ATG13: variants seen among roughly 807,000 people sequenced by gnomAD.
ATG13 encodes autophagy-related protein 13.
ATG13 carries 23 observed loss-of-function variants against 65.5 expected under a neutral mutation model. The observed-to-expected ratio is 0.35, with a 90% CI of 0.25 to 0.50. The LOEUF is 0.50. Ranked by LOEUF, ATG13 falls within the 20% of genes least tolerant of loss-of-function variation. The pLI is 0.98. For missense variants in ATG13, 566 were observed against 677.0 expected (o/e 0.84, Z 1.82); for synonymous variants, 252 against 245.2 (o/e 1.03, Z -0.26).
chr11:46,656,923 G>GCACATA, intron 8 of ATG13, 172 bp from the exon 9 acceptor site: 2 of 593,694 alleles, frequency 3.4e-6, no homozygotes, highest in South Asian at 4.0e-5. Flanking sequence ...ACACATACAC[G>GCACATA]CACATACACA....
intron 1 of ATG13, among the ~76,000 whole-genome samples, chr11:46,629,276 A>C (rs1350061097): frequency 1.3e-5 from 2 of 152,006 alleles, no homozygotes; most frequent in African/African-American, 2.4e-5. Context: ...AAGAGATTAC[A>C]TTTACCTTTT....
chr11:46,668,985 C>G, intron 17 of ATG13, 75 bp downstream of exon 17: 1 of 1,222,750 alleles, frequency 8.2e-7, no homozygotes, highest in Non-Finnish European at 1.2e-6. Flanking sequence ...GCACTTGATC[C>G]AGATTTCCTT....
intron 5 of ATG13, among the ~76,000 whole-genome samples, chr11:46,648,108 C>G (rs965924628): frequency 1.3e-5 from 2 of 150,688 alleles, no homozygotes; most frequent in East Asian, 4.0e-4. Context: ...CCCCACCCCC[C>G]CCAGCACTTT....
intron 14 of ATG13, among the ~76,000 whole-genome samples, chr11:46,666,531 A>C (rs1252503863): frequency 1.3e-5 from 2 of 152,252 alleles, no homozygotes; most frequent in Admixed American, 1.3e-4. Context: ...GTAAAACTCA[A>C]ATCCTAAAGA....
intron 2 of ATG13, among the ~76,000 whole-genome samples, chr11:46,631,384 A>C (rs2051684776): frequency 6.6e-6 from 1 of 152,194 alleles, no homozygotes; most frequent in African/African-American, 2.4e-5. Context: ...GAATTTCAGT[A>C]CAAAAGTAAG....
Position 46,664,858 on chromosome 11 carries a change from TCTC to T in ATG13, c.899_901del (p.Ser300_Arg301delinsCys). 1.4e-5 allele frequency: 23 copies of T among 1,613,848 alleles called. No individual in the cohort carries two copies. Among genetic ancestry groups the T allele is most frequent in the Non-Finnish European group, 1.9e-5 (22 of 1,179,742 alleles). On this transcript the variant is annotated inframe_deletion, in exon 13 of 19. Transcript: ENST00000683050. Reference sequence around the variant, plus strand: ...TTTTTCTCTTGCTTAGCTCTCAAGCTCTCGCCTTTCCTATCAGCCTGCTGCCCT... The same window carrying T: ...TTTTTCTCTTGCTTAGCTCTCAAGCTGCCTTTCCTATCAGCCTGCTGCCCT...
At chr11:46,626,894 G>A (rs1448744329) in intron 1 of ATG13, among the ~76,000 whole-genome samples, 1 of 152,170 alleles carries the variant, frequency 6.6e-6, no homozygotes, top group African/African-American at 2.4e-5. Flanking sequence ...GTAAACATTT[G>A]CTATAGAAAA....
At chr11:46,637,826 G>T (rs1355650647) in intron 2 of ATG13, among the ~76,000 whole-genome samples, 1 of 152,166 alleles carries the variant, frequency 6.6e-6, no homozygotes, top group African/African-American at 2.4e-5. Context: ...GAGGCTCCTG[G>T]CATAGGGCAG....
At chr11:46,631,803 C>G (rs868243224) in intron 2 of ATG13, among the ~76,000 whole-genome samples, 1 of 152,124 alleles carries the variant, frequency 6.6e-6, no homozygotes, top group Non-Finnish European at 1.5e-5. Flanking sequence ...CACTTGGGCC[C>G]AGGAGGTCCA....
chr11:46,661,803 C>T (rs1413203460), intron 11 of ATG13, among the ~76,000 whole-genome samples: 2 of 152,140 alleles, frequency 1.3e-5, no homozygotes, highest in Non-Finnish European at 2.9e-5. Flanking sequence ...TGCCCTCCAG[C>T]CTGGGTGACA....
intron 18 of ATG13, among the ~76,000 whole-genome samples, chr11:46,671,436 G>A (rs184385289): frequency 2.5e-4 from 38 of 152,186 alleles, no homozygotes; most frequent in Admixed American, 1.4e-3. Flanking sequence ...TCCTCAGCTG[G>A]TATAAAGATA....
intron 10 of ATG13, among the ~76,000 whole-genome samples, chr11:46,658,246 T>G (rs959676317): frequency 3.3e-5 from 5 of 152,190 alleles, no homozygotes; most frequent in African/African-American, 4.8e-5. Context: ...GGGGTTAGAC[T>G]AGATGTATAT....
chr11:46,645,948 G>A lies in ATG13; in HGVS notation c.229G>A (p.Gly77Arg), dbSNP rs2057415266. Reference sequence around the variant, plus strand: ...ACTGGCAGGACAGCTGCCTGCAGTCGGGAGGTCCATGTGTGTGGAGATTTC... The same window carrying A: ...ACTGGCAGGACAGCTGCCTGCAGTCAGGAGGTCCATGTGTGTGGAGATTTC... ...KALAGQLPAV[G>R]RSMCVEISLK... The change falls in exon 5 of 19, where the codon GGG (glycine) becomes AGG (arginine). Residue 77 changes from glycine (G) to arginine (R), a missense_variant. Gly to Arg is a moderately radical substitution (Grantham distance 125). Around this residue, in one of 2 missense-constraint regions of ATG13, gnomAD observed 179 missense variants for 267.2 expected, o/e 0.67. Transcript: ENST00000683050. 10 of 1,614,180 alleles carry A rather than the reference G, an allele frequency of 6.2e-6. No homozygotes were observed. Among genetic ancestry groups the A allele is most frequent in the Non-Finnish European group, 7.6e-6 (9 of 1,180,000 alleles).
intron 1 of ATG13, among the ~76,000 whole-genome samples, chr11:46,622,106 T>C (rs962396166): frequency 8.1e-6 from 1 of 123,670 alleles, no homozygotes; most frequent in Non-Finnish European, 1.7e-5. Context: ...TATATATATA[T>C]ATATATATAT....
In ATG13 at chr11:46,673,802, C is replaced by T. The variant is rs1025100113; in HGVS notation, c.*1470C>T. On this transcript the variant is annotated 3_prime_UTR_variant, in exon 19 of 19. Transcript: ENST00000683050. ...TGGTCAAGGAGATCTAGGTCTACTC[C>T]ATTCCTCCTGGCCCACCTGGGGCAT... 1 of 152,310 alleles carries T rather than the reference C, an allele frequency of 6.6e-6. No individual in the cohort carries two copies. The highest frequency in any genetic ancestry group is 1.5e-5 in the Non-Finnish European group (1 of 68,100). The allele number at this position is 152,310 out of a possible 1,614,324, so 9.4% of individuals were successfully genotyped here. A position where few individuals can be genotyped will look rare whatever the true frequency, so the allele number is the denominator to read the frequency against.
intron 5 of ATG13, 163 bp from the exon 6 acceptor site, chr11:46,648,974 C>T: frequency 1.9e-6 from 1 of 514,918 alleles, no homozygotes; most frequent in Non-Finnish European, 3.3e-6. Context: ...AGCATATAGA[C>T]TGTGATTGCC....
chr11:46,657,087 T>TC lies in ATG13; in HGVS notation c.500-7dup. On this transcript the variant is annotated splice_polypyrimidine_tract_variant and splice_region_variant and intron_variant, in intron 8 of 18. Transcript: ENST00000683050. ...CAAAAGAAGCTAATAATGTATCTCT[T>TC]CTCCTAGGCTTCCAGACAGTTCGTG... 6.2e-7 allele frequency: 1 copy of TC among 1,609,596 alleles called. No individual in the cohort carries two copies. The highest frequency in any genetic ancestry group is 8.5e-7 in the Non-Finnish European group (1 of 1,175,934).
intron 15 of ATG13, 48 bp downstream of exon 15, chr11:46,667,935 G>A: frequency 6.8e-7 from 1 of 1,464,182 alleles, no homozygotes; most frequent in Non-Finnish European, 9.5e-7. Flanking sequence ...AGTTCTTAGA[G>A]TAAGGCCCCA....
intron 1 of ATG13, among the ~76,000 whole-genome samples, chr11:46,623,232 T>C (rs182767318): frequency 5.3e-5 from 8 of 152,132 alleles, no homozygotes; most frequent in Admixed American, 2.6e-4. Context: ...AGGTGGAGTT[T>C]GCAGTGAGCC....
Sources: gnomAD v4.1 joint callset for allele counts (sites outside exome capture counted in the v4.1 genomes callset) on GRCh38, gnomAD v4.1.1 for gene constraint, gnomAD v4.1.1 regional missense constraint, MANE v1.5 for transcripts, NCBI Gene and HGNC (gene_info 2026-07-23, HGNC 2026-07-21) for gene names.